Variants in ATG2B observed in about 807,000 individuals in gnomAD.
The protein encoded by ATG2B is autophagy-related protein 2 homolog B.
In ATG2B, 121 loss-of-function variants were observed where a neutral mutation model predicts 241.3. The ratio of observed to expected loss-of-function variants is 0.50; its 90% confidence interval spans 0.43 to 0.58. The LOEUF (loss-of-function observed/expected upper bound fraction) is 0.58. ATG2B is among the 20% of genes least tolerant of loss of function. The pLI is 0.00. For missense variants in ATG2B, 2,306 were observed against 2,491.6 expected (o/e 0.93, Z 1.59); for synonymous variants, 858 against 876.6 (o/e 0.98, Z 0.37).
intron 1 of ATG2B, among the ~76,000 whole-genome samples, chr14:96,355,457 C>T (rs2139909742): frequency 6.6e-6 from 1 of 152,260 alleles, no homozygotes; most frequent in East Asian, 1.9e-4. Flanking sequence ...AAGCCCACTC[C>T]TTTAAAACAG....
At chr14:96,321,811 T>C (rs1341469296) in intron 18 of ATG2B, among the ~76,000 whole-genome samples, 1 of 152,166 alleles carries the variant, frequency 6.6e-6, no homozygotes, top group Non-Finnish European at 1.5e-5. Flanking sequence ...ACTCTTCACG[T>C]CACTGCACAT....
chr14:96,296,810 A>G (rs1279543321), intron 34 of ATG2B, among the ~76,000 whole-genome samples: 1 of 151,948 alleles, frequency 6.6e-6, no homozygotes, highest in Non-Finnish European at 1.5e-5. Context: ...AATATAAAAC[A>G]TTAATACTGT....
intron 6 of ATG2B, among the ~76,000 whole-genome samples, chr14:96,340,968 G>A (rs1186465609): frequency 6.7e-6 from 1 of 149,348 alleles, no homozygotes; most frequent in African/African-American, 2.5e-5. Flanking sequence ...ATATTATATA[G>A]GTTTATTTTA....
chr14:96,294,874 CTCA>C, intron 36 of ATG2B, 83 bp downstream of exon 36: 2 of 1,232,188 alleles, frequency 1.6e-6, no homozygotes, highest in Non-Finnish European at 2.3e-6. Context: ...CTGACGGAAC[CTCA>C]TGATTACCAG....
At chr14:96,333,386 C>T (rs779219207) in intron 8 of ATG2B, among the ~76,000 whole-genome samples, 23 of 152,104 alleles carry the variant, frequency 1.5e-4, no homozygotes, top group Admixed American at 1.1e-3. Context: ...AAATATATAA[C>T]TACCTAATTT....
intron 6 of ATG2B, among the ~76,000 whole-genome samples, chr14:96,335,157 C>A (rs1425067067): frequency 2.6e-5 from 4 of 152,216 alleles, no homozygotes; most frequent in Non-Finnish European, 5.9e-5. Flanking sequence ...CCTGAATACT[C>A]TGACAAAAGC....
In ATG2B at chr14:96,288,872, T is replaced by C. The variant is rs1443996345; in HGVS notation, c.6006+784A>G. On this transcript the variant is annotated intron_variant, in intron 41 of 41. Transcript: ENST00000359933. ...CAGAGAGCAATTCAGCAATGCTTAATACATGTCGAGATTCCAACGGTTACT... is the reference window on the plus strand; with the variant it reads ...CAGAGAGCAATTCAGCAATGCTTAACACATGTCGAGATTCCAACGGTTACT... Among the ~76,000 whole-genome samples the C allele has an allele frequency of 6.6e-5, 10 of 151,282 alleles. No homozygotes were observed. In the East Asian group the frequency reaches 1.9e-3, roughly 29 times the overall value.
At position 96,332,543 on chromosome 14, in the gene ATG2B, T is replaced by C. The variant is rs762466867; in HGVS notation, c.1320A>G (p.Thr440=). 8.1e-6 allele frequency: 13 copies of C among 1,611,306 alleles called. No individual in the cohort carries two copies. The highest frequency in any genetic ancestry group is 1.0e-5 in the Non-Finnish European group (12 of 1,179,006). ...GAGATCCTGCTGGGGTATTTGTATA[T>C]GTACTAGTTAATGATAACTCAAGGT... ...NMDLELSLTS[T]YTNTPAGSPL... Residue 440 remains threonine, a synonymous_variant, in exon 9 of 42, where the codon ACA becomes ACG. Coordinates refer to ENST00000359933, the MANE Select transcript of ATG2B (RefSeq NM_018036.7).
In ATG2B at chr14:96,333,684, T is replaced by C. The variant is rs768089211; in HGVS notation, c.1207+4A>G. The C allele has an allele frequency of 1.2e-6, 2 of 1,611,350 alleles. No individual in the cohort carries two copies. Among genetic ancestry groups the C allele is most frequent in the South Asian group, 2.2e-5 (2 of 90,616 alleles). ...TTCTGGTGTCAACAGTTTGAGTTGCTTACCACGGCTAGAAGGTGTACGAGC... is the reference window on the plus strand; with the variant it reads ...TTCTGGTGTCAACAGTTTGAGTTGCCTACCACGGCTAGAAGGTGTACGAGC... On this transcript the variant is annotated splice_donor_region_variant and intron_variant, in intron 8 of 41. Transcript: ENST00000359933.
intron 16 of ATG2B, among the ~76,000 whole-genome samples, chr14:96,323,637 T>C (rs1887513952): frequency 6.6e-6 from 1 of 152,214 alleles, no homozygotes; most frequent in Non-Finnish European, 1.5e-5. Flanking sequence ...ATGAGCAACA[T>C]CTGTCCTAAG....
chr14:96,308,169 AAT>A (rs1317954503), intron 29 of ATG2B, among the ~76,000 whole-genome samples: 5 of 138,606 alleles, frequency 3.6e-5, no homozygotes, highest in African/African-American at 1.1e-4. Flanking sequence ...CACATATATA[AAT>A]ATATATAAAT....
intron 29 of ATG2B, among the ~76,000 whole-genome samples, chr14:96,308,023 ACCT>A (rs1303707799): frequency 7.3e-6 from 1 of 137,756 alleles, no homozygotes; most frequent in African/African-American, 2.6e-5. Context: ...CTACAGCAGT[ACCT>A]CAGAATTACT....
At chr14:96,322,509 T>C (rs761444450) in intron 17 of ATG2B, 31 bp downstream of exon 17, 1 of 1,580,320 alleles carries the variant, frequency 6.3e-7, no homozygotes, top group Non-Finnish European at 8.6e-7. Flanking sequence ...AATAATAGTA[T>C]TATTCCTTTG....
intron 6 of ATG2B, among the ~76,000 whole-genome samples, chr14:96,335,900 T>C (rs1248290468): frequency 1.3e-5 from 2 of 152,228 alleles, no homozygotes; most frequent in Non-Finnish European, 2.9e-5. Flanking sequence ...TAGAAATATT[T>C]CATTATTTGT....
In ATG2B at chr14:96,332,335, G is replaced by A. The variant is rs565249014; in HGVS notation, c.1438C>T (p.Leu480=). 1 of 1,613,688 alleles carries A rather than the reference G, an allele frequency of 6.2e-7. No individual in the cohort carries two copies. Among genetic ancestry groups the A allele is most frequent in the Admixed American group, 1.7e-5 (1 of 60,016 alleles). The part of the protein sequence containing the change: ...PVRGSTFPSN[L]VHPTPLQKTS... ...TTCTGTAAAGGTGTTGGGTGAACTAGGTTGGATGGAAATGTTGACCCTCTT... is the reference window on the plus strand; with the variant it reads ...TTCTGTAAAGGTGTTGGGTGAACTAAGTTGGATGGAAATGTTGACCCTCTT... Residue 480 remains leucine (L), a synonymous_variant, in exon 10 of 42, where the codon CTA becomes TTA. Coordinates refer to ENST00000359933, the MANE Select transcript of ATG2B (RefSeq NM_018036.7).
chr14:96,348,665 T>C (rs1242779113), intron 1 of ATG2B, among the ~76,000 whole-genome samples: 1 of 132,694 alleles, frequency 7.5e-6, no homozygotes, highest in East Asian at 2.2e-4. Context: ...GGGGACTCCA[T>C]CTCAAAAAAA....
At position 96,313,444 on chromosome 14, in the gene ATG2B, A is replaced by G; in HGVS notation, c.3643-9T>C. The G allele has an allele frequency of 6.7e-7, 1 of 1,483,420 alleles. No homozygotes were observed. Among genetic ancestry groups the G allele is most frequent in the Non-Finnish European group, 9.1e-7 (1 of 1,096,996 alleles). The allele number at this position is 1,483,420 out of a possible 1,614,324, so 91.9% of individuals were successfully genotyped here. On this transcript the variant is annotated splice_polypyrimidine_tract_variant and intron_variant, in intron 23 of 41. Transcript: ENST00000359933. ...TTCAAGAAGTATAAAATCTATAATC[A>G]CAAAAAATTAAAACGCCCTGCTTTA...
intron 34 of ATG2B, among the ~76,000 whole-genome samples, chr14:96,298,301 G>A (rs1886701849): frequency 1.3e-5 from 2 of 152,206 alleles, no homozygotes; most frequent in Non-Finnish European, 2.9e-5. Flanking sequence ...TGAAGCAGCT[G>A]CAGCTCTCAT....
Position 96,334,507 on chromosome 14 carries a change from G to GA in ATG2B, c.925-7_925-6insT. The GA allele has an allele frequency of 1.9e-6, 3 of 1,539,532 alleles. No homozygotes were observed. The highest frequency in any genetic ancestry group is 2.0e-5 in the Admixed American group (1 of 50,128). On this transcript the variant is annotated splice_region_variant and splice_polypyrimidine_tract_variant and intron_variant, in intron 6 of 41. Transcript: ENST00000359933. ...ATCTGTCCATCAACATCCAACTTAA[G>GA]GGAAAAAAAAAAACTATTCATGAGG...
Sources: gnomAD v4.1 joint callset for allele counts (sites outside exome capture counted in the v4.1 genomes callset) on GRCh38, gnomAD v4.1.1 for gene constraint, MANE v1.5 for transcripts, NCBI Gene and HGNC (gene_info 2026-07-23, HGNC 2026-07-21) for gene names.